The following ANK1 variants were observed in gnomAD, a reference collection of about 807,000 sequenced individuals.
The protein encoded by ANK1 is ankyrin-1.
ANK1 carries 51 observed loss-of-function variants against 210.4 expected under a neutral mutation model. That is an observed-to-expected ratio of 0.24 (90% CI 0.19 to 0.31). The LOEUF is 0.31. ANK1 is among the 10% of genes least tolerant of loss of function. The pLI is 1.00. For missense variants in ANK1, 2,051 were observed against 2,504.4 expected (o/e 0.82, Z 3.86); for synonymous variants, 967 against 1,025.9 (o/e 0.94, Z 1.10).
intron 2 of ANK1, among the ~76,000 whole-genome samples, chr8:41,754,772 A>C (rs1838682366): frequency 6.6e-6 from 1 of 152,204 alleles, no homozygotes; most frequent in South Asian, 2.1e-4. Flanking sequence ...CAGCCACTGC[A>C]GTCCCTCCCC....
At chr8:41,670,033 T>C (rs1450405995) in intron 38 of ANK1, among the ~76,000 whole-genome samples, 2 of 152,074 alleles carry the variant, frequency 1.3e-5, no homozygotes, top group African/African-American at 4.8e-5. Flanking sequence ...TGGCCACCCA[T>C]CTGTAATTCC....
At position 41,715,037 on chromosome 8, in the gene ANK1, C is replaced by T. The variant is rs773568299; in HGVS notation, c.1640G>A (p.Gly547Glu). The part of the protein sequence containing the change: ...FTPLHVAAKY[G>E]KVRVAELLLE... The stretch of plus-strand genomic sequence containing the variant: ...CAGCAGCTCTGCCACCCGCACCTTC[C>T]CGTACTTGGCCGCCACGTGCAGAGG... The change falls in exon 15 of 43, where the codon GGG becomes GAG. Residue 547 changes from glycine to glutamate, a missense_variant. Around this residue, in one of 6 missense-constraint regions of ANK1, gnomAD observed 1,413 missense variants for 1,707.4 expected, o/e 0.83. Transcript: ENST00000289734. The T allele has an allele frequency of 1.2e-6, 2 of 1,613,998 alleles. No homozygotes were observed. The highest frequency in any genetic ancestry group is 1.7e-6 in the Non-Finnish European group (2 of 1,180,024).
chr8:41,723,521 C>T lies in ANK1; in HGVS notation c.810+14G>A. 1 of 1,613,976 alleles carries T rather than the reference C, an allele frequency of 6.2e-7. No homozygotes were observed. The highest frequency in any genetic ancestry group is 8.5e-7 in the Non-Finnish European group (1 of 1,179,940). On this transcript the variant is annotated intron_variant, in intron 8 of 42. Coordinates refer to ENST00000289734, the MANE Select transcript of ANK1 (RefSeq NM_000037.4). Reference sequence around the variant, plus strand: ...CCCTCCCCCTGCCTGGCTACAGCACCTGCTGGCACCCACCTTGGTCTTGGT... The same window carrying T: ...CCCTCCCCCTGCCTGGCTACAGCACTTGCTGGCACCCACCTTGGTCTTGGT...
chr8:41,832,667 C>A (rs1447959855), intron 1 of ANK1, among the ~76,000 whole-genome samples: 2 of 152,202 alleles, frequency 1.3e-5, no homozygotes, highest in African/African-American at 2.4e-5. Context: ...CCCCTCCCTG[C>A]AAGGGAGATT....
At chr8:41,816,682 A>C (rs898189957) in intron 1 of ANK1, among the ~76,000 whole-genome samples, 13 of 152,094 alleles carry the variant, frequency 8.5e-5, no homozygotes, top group African/African-American at 3.1e-4. Context: ...CTCCCACCTA[A>C]GCGTCCCAAA....
At chr8:41,810,044 A>G (rs1353063620) in intron 1 of ANK1, among the ~76,000 whole-genome samples, 2 of 152,168 alleles carry the variant, frequency 1.3e-5, no homozygotes, top group Non-Finnish European at 2.9e-5. Context: ...ACAGGGAGAG[A>G]GACTGAAGGA....
intron 41 of ANK1, 27 bp downstream of exon 41, chr8:41,661,849 A>C (rs1060133): frequency 6.2e-7 from 1 of 1,614,056 alleles, no homozygotes; most frequent in East Asian, 2.2e-5. Context: ...GCTCACTGGG[A>C]TCCTCCAGGG....
chr8:41,765,322 T>C (rs1254574713), intron 1 of ANK1, among the ~76,000 whole-genome samples: 1 of 151,894 alleles, frequency 6.6e-6, no homozygotes, highest in Middle Eastern at 3.2e-3. Context: ...CACTGCAGCC[T>C]CAAAGTCCTG....
At chr8:41,682,274 G>A (rs547154150) in intron 37 of ANK1, among the ~76,000 whole-genome samples, 5 of 152,104 alleles carry the variant, frequency 3.3e-5, no homozygotes, top group East Asian at 1.9e-4. Flanking sequence ...CAGTGCCGAC[G>A]CATGGCTCCC....
intron 2 of ANK1, among the ~76,000 whole-genome samples, chr8:41,749,835 C>A (rs933055799): frequency 6.6e-6 from 1 of 152,106 alleles, no homozygotes; most frequent in Non-Finnish European, 1.5e-5. Context: ...TCGTCTCGAA[C>A]TCCTGACCTC....
At chr8:41,707,853 ATCTTAAGTTG>A (rs1222826429) in intron 17 of ANK1, among the ~76,000 whole-genome samples, 1 of 152,220 alleles carries the variant, frequency 6.6e-6, no homozygotes, top group Non-Finnish European at 1.5e-5. Context: ...TTTTTAAGAA[ATCTTAAGTTG>A]CCCTGAAAAT....
At chr8:41,787,441 C>A (rs1441349062) in intron 1 of ANK1, among the ~76,000 whole-genome samples, 1 of 152,060 alleles carries the variant, frequency 6.6e-6, no homozygotes, top group East Asian at 1.9e-4. Flanking sequence ...TAATGGTGAC[C>A]CACCCCCCAA....
chr8:41,894,322 C>T (rs1441735329), intron 1 of ANK1, among the ~76,000 whole-genome samples: 2 of 151,514 alleles, frequency 1.3e-5, no homozygotes, highest in Non-Finnish European at 2.9e-5. Flanking sequence ...ATGCTGCGAC[C>T]GGCTAGTAAA....
At chr8:41,701,675 T>A in intron 21 of ANK1, 53 bp from the exon 22 acceptor site, 1 of 1,572,508 alleles carries the variant, frequency 6.4e-7, no homozygotes, top group African/African-American at 1.3e-5. Flanking sequence ...GCACACATTT[T>A]TTACCAGCCC....
chr8:41,894,140 A>C (rs1563978966), intron 1 of ANK1, among the ~76,000 whole-genome samples: 1 of 152,084 alleles, frequency 6.6e-6, no homozygotes, highest in Non-Finnish European at 1.5e-5. Flanking sequence ...GCATCCCTAC[A>C]TCCCACCCCA....
At chr8:41,664,679 C>T (rs1809768031) in intron 39 of ANK1, 3 of 931,888 alleles carry the variant, frequency 3.2e-6, no homozygotes, top group East Asian at 2.6e-5. Context: ...TCCCTGGGGG[C>T]CTCCTGGTCC....
intron 1 of ANK1, among the ~76,000 whole-genome samples, chr8:41,763,851 G>C (rs1425218966): frequency 7.2e-6 from 1 of 139,480 alleles, no homozygotes. Context: ...AATTGCTAAA[G>C]CTTTTTCTTT....
rs1827871105 is a variant in ANK1, at chr8:41,717,051, T to C, written c.1306A>G (p.Lys436Glu). Residue 436 changes from lysine to glutamate, a missense_variant and splice_region_variant, in exon 13 of 43, where the codon AAA (lysine) becomes GAA (glutamate). Coordinates refer to ENST00000289734, the MANE Select transcript of ANK1 (RefSeq NM_000037.4). ...GCCATGTGTAGCGGGGTCTCCACTT[T>C]CTATAAAATAACAAAATTATAGAAC... Reference protein sequence around the residue: ...RGASPNVSNVKVETPLHMAAR... With the variant: ...RGASPNVSNVEVETPLHMAAR... The C allele has an allele frequency of 6.2e-7, 1 of 1,614,202 alleles. No homozygotes were observed. The highest frequency in any genetic ancestry group is 8.5e-7 in the Non-Finnish European group (1 of 1,180,012).
At chr8:41,789,602 A>T (rs775068831) in intron 1 of ANK1, among the ~76,000 whole-genome samples, 1 of 152,224 alleles carries the variant, frequency 6.6e-6, no homozygotes, top group Non-Finnish European at 1.5e-5. Context: ...GCACCAGGCA[A>T]TCTGGACATT....
Sources: allele counts gnomAD v4.1 joint callset (sites outside exome capture counted in the v4.1 genomes callset), GRCh38; gene constraint gnomAD v4.1.1; regional missense constraint gnomAD v4.1.1; transcripts MANE v1.5; gene names NCBI Gene and HGNC (gene_info 2026-07-23, HGNC 2026-07-21).